Variants in CELF1 observed in about 807,000 individuals in gnomAD.
The protein encoded by CELF1 is CUGBP Elav-like family member 1.
A neutral mutation model predicts 61.8 loss-of-function variants in CELF1; 10 were observed. The ratio of observed to expected loss-of-function variants is 0.16; its 90% CI spans 0.10 to 0.27. The LOEUF is 0.27. Among genes scored for constraint, CELF1 ranks in the 10% least tolerant of loss-of-function variants. CELF1 has a pLI of 1.00. For missense variants in CELF1, 380 were observed against 639.1 expected, an observed-to-expected ratio of 0.59 and a Z score of 4.37; for synonymous variants, 236 against 225.1, an observed-to-expected ratio of 1.05 and a Z score of -0.43.
chr11:47,482,660 G>A (rs752247690), intron 9 of CELF1, 35 bp downstream of exon 9: 1 of 1,595,602 alleles, frequency 6.3e-7, no homozygotes, highest in Non-Finnish European at 8.6e-7. Context: ...CTGGGAGCTT[G>A]CACAGTCTGC....
intron 1 of CELF1, among the ~76,000 whole-genome samples, chr11:47,539,906 C>CCATCTGATG (rs1207002495): frequency 3.9e-5 from 6 of 152,210 alleles, no homozygotes; most frequent in Admixed American, 1.3e-4. Flanking sequence ...TGGCTGCATA[C>CCATCTGATG]CAGCATCTGA....
intron 1 of CELF1, among the ~76,000 whole-genome samples, chr11:47,539,208 A>C (rs2096712830): frequency 6.6e-6 from 1 of 152,184 alleles, no homozygotes; most frequent in African/African-American, 2.4e-5. Flanking sequence ...AATTAAAAAC[A>C]AATAATTATA....
intron 3 of CELF1, 48 bp downstream of exon 3, chr11:47,499,405 G>T: frequency 7.1e-7 from 1 of 1,412,412 alleles, no homozygotes; most frequent in Non-Finnish European, 9.6e-7. Flanking sequence ...AAAGAAAACA[G>T]CCCAGTTCCT....
intron 1 of CELF1, among the ~76,000 whole-genome samples, chr11:47,552,130 C>G (rs780753439): frequency 6.6e-6 from 1 of 151,996 alleles, no homozygotes; most frequent in African/African-American, 2.4e-5. Flanking sequence ...AGCCTTTTTA[C>G]TCGAAGGTAA....
At chr11:47,503,795 A>G (rs1053340071) in intron 1 of CELF1, among the ~76,000 whole-genome samples, 1 of 152,204 alleles carries the variant, frequency 6.6e-6, no homozygotes, top group African/African-American at 2.4e-5. Flanking sequence ...CATAGGTAAA[A>G]TATGGTGACA....
At position 47,484,648 on chromosome 11, in the gene CELF1, C is replaced by T. The variant is rs906497400; in HGVS notation, c.392-125G>A. 4.4e-5 allele frequency: 32 copies of T among 733,664 alleles called. No individual in the cohort carries two copies. The African/African-American group carries it at 5.3e-4, about 12-fold the overall frequency. 45.4% of individuals were successfully genotyped at this position (733,664 alleles called of 1,614,324 possible). ...GTACCATATTTTACAGATTCAAAGA[C>T]ACACATTTGTTTTTTGTATTTTTCA... On this transcript the variant is annotated intron_variant, in intron 6 of 14. Coordinates refer to ENST00000687097, the MANE Select transcript of CELF1 (RefSeq NM_001376376.1).
At position 47,489,014 on chromosome 11, in the gene CELF1, T is replaced by C. The variant is rs774380296; in HGVS notation, c.82A>G (p.Met28Val). The change falls in exon 4 of 15, where the codon ATG (methionine) becomes GTG (valine). Residue 28 changes from methionine to valine, a missense_variant. Coordinates refer to ENST00000687097, the MANE Select transcript of CELF1 (RefSeq NM_001376376.1). ...TCTGGGTGGTCCAGGGTGCCGTTCATTTTCTTTGAGCTGTGTGAGATAAAA... is the reference window on the plus strand; with the variant it reads ...TCTGGGTGGTCCAGGGTGCCGTTCACTTTCTTTGAGCTGTGTGAGATAAAA... ...SLNSSPVSKKMNGTLDHPDQP... is the reference protein window; with the variant it reads ...SLNSSPVSKKVNGTLDHPDQP... 3.3e-5 allele frequency: 53 copies of C among 1,585,780 alleles called. No individual in the cohort carries two copies. The highest frequency in any genetic ancestry group is 6.0e-6 in the Non-Finnish European group (7 of 1,171,110).
intron 1 of CELF1, among the ~76,000 whole-genome samples, chr11:47,538,462 T>C (rs1270526805): frequency 6.6e-6 from 1 of 151,924 alleles, no homozygotes; most frequent in Admixed American, 6.6e-5. Flanking sequence ...GCCAACACGG[T>C]GAAACCCCGT....
chr11:47,491,052 G>C (rs998163313), intron 3 of CELF1, among the ~76,000 whole-genome samples: 1 of 151,498 alleles, frequency 6.6e-6, no homozygotes, highest in Non-Finnish European at 1.5e-5. Context: ...AGTAGAGATG[G>C]GGCTTTGCCA....
At chr11:47,555,789 C>A (rs1397721271), upstream of CELF1, among the ~76,000 whole-genome samples, 2 of 152,030 alleles carry the variant, frequency 1.3e-5, no homozygotes, top group Admixed American at 1.3e-4. Flanking sequence ...AGATGGATCA[C>A]CTGAGGTCAG....
Position 47,484,382 on chromosome 11 carries a change from T to C in CELF1, c.526+7A>G. 1 of 1,603,300 alleles carries C rather than the reference T, an allele frequency of 6.2e-7. No homozygotes were observed. The highest frequency in any genetic ancestry group is 8.5e-7 in the Non-Finnish European group (1 of 1,177,108). ...CAAAAGATTATTTAAAAGCTAAAAC[T>C]ACCTACCTCGGCTCAGGCCATCAGG... On this transcript the variant is annotated splice_region_variant and intron_variant, in intron 7 of 14. Coordinates refer to ENST00000687097, the MANE Select transcript of CELF1 (RefSeq NM_001376376.1).
Position 47,539,820 on chromosome 11 carries a change from T to C in CELF1, c.-154+13172A>G, listed in dbSNP as rs370964898. Among the ~76,000 whole-genome samples the C allele has an allele frequency of 5.3e-5, 8 of 152,350 alleles. No individual in the cohort carries two copies. The South Asian group carries it at 1.0e-3, about 20-fold the overall frequency. ...GAGCTGCATTTCTCATCTATGCTTC[T>C]TTCCAGATGAAATCTACTTACTTCT... On this transcript the variant is annotated intron_variant, in intron 1 of 14. Coordinates refer to ENST00000687097, the MANE Select transcript of CELF1 (RefSeq NM_001376376.1).
At chr11:47,547,181 C>T (rs1015673951) in intron 1 of CELF1, among the ~76,000 whole-genome samples, 1 of 149,824 alleles carries the variant, frequency 6.7e-6, no homozygotes, top group African/African-American at 2.5e-5. Flanking sequence ...TTTGGATTAT[C>T]GTTATAGACC....
In CELF1 at chr11:47,541,793, C is replaced by CGAAAGAAA. The variant is rs1177250671; in HGVS notation, c.-154+11191_-154+11198dup. Among the ~76,000 whole-genome samples, 77 of 13,858 alleles carry CGAAAGAAA rather than the reference C, an allele frequency of 5.6e-3. 12 individuals carry two copies. The highest frequency in any genetic ancestry group is 9.9e-3 in the African/African-American group (73 of 7,382). 9.1% of individuals were successfully genotyped at this position (13,858 alleles called of 152,430 possible). A position where few individuals can be genotyped will look rare whatever the true frequency, so the allele number is the denominator to read the frequency against. The stretch of plus-strand genomic sequence containing the variant: ...ACGAAAGAAAGAACGAAAGAAAGAA[C>CGAAAGAAA]GAAAGAAAGAAAGAAAGAAAGAAAG... On this transcript the variant is annotated intron_variant, in intron 1 of 14. Coordinates refer to ENST00000687097, the MANE Select transcript of CELF1 (RefSeq NM_001376376.1).
chr11:47,490,227 C>T (rs1334716172), intron 3 of CELF1, among the ~76,000 whole-genome samples: 30 of 151,736 alleles, frequency 2.0e-4, no homozygotes, highest in Admixed American at 1.8e-3. Flanking sequence ...TGAGCCACCA[C>T]GCCTGGCCTC....
intron 6 of CELF1, 64 bp from the exon 7 acceptor site, chr11:47,484,587 TG>T (rs2085470451): frequency 3.4e-6 from 5 of 1,471,158 alleles, no homozygotes; most frequent in African/African-American, 1.4e-5. Context: ...GGCACAGATT[TG>T]GGAGCCAGAC....
At chr11:47,495,304 T>C (rs1488972251) in intron 3 of CELF1, among the ~76,000 whole-genome samples, 1 of 152,144 alleles carries the variant, frequency 6.6e-6, no homozygotes, top group Non-Finnish European at 1.5e-5. Context: ...ACATAGTATA[T>C]GTTACCATTT....
At chr11:47,561,401 C>G (rs149628914) in intron 2 of CELF1, among the ~76,000 whole-genome samples, 1,996 of 146,764 alleles carry the variant, frequency 0.014, 45 homozygotes, top group African/African-American at 0.047. Context: ...CGAGATCGCA[C>G]CACTGCACTC....
chr11:47,477,101 C>CAA, intron 11 of CELF1, 142 bp from the exon 12 acceptor site: 2 of 871,162 alleles, frequency 2.3e-6, no homozygotes, highest in Non-Finnish European at 3.6e-6. Flanking sequence ...AGGACAGAGA[C>CAA]AAATAATGGC....
Sources: allele counts gnomAD v4.1 joint callset (sites outside exome capture counted in the v4.1 genomes callset), GRCh38; gene constraint gnomAD v4.1.1; transcripts MANE v1.5; gene names NCBI Gene and HGNC (gene_info 2026-07-23, HGNC 2026-07-21).